Variants in TYW1B observed in about 807,000 individuals in gnomAD.
TYW1B encodes the protein S-adenosyl-L-methionine-dependent tRNA 4-demethylwyosine synthase TYW1B.
A neutral mutation model predicts 86.9 loss-of-function variants in TYW1B; 73 were observed. That is an observed-to-expected ratio of 0.84 (90% CI 0.70 to 1.02). The LOEUF is 1.02. TYW1B is among the 50% of genes least tolerant of loss of function. TYW1B has a pLI of 0.00. For synonymous variants in TYW1B, 248 were observed against 292.8 expected (o/e 0.85, Z 1.56); for missense variants, 637 against 827.4 (o/e 0.77, Z 2.82).
intron 13 of TYW1B, 89 bp from the exon 14 acceptor site, chr7:72,575,808 T>A (rs1225881894): frequency 1.3e-6 from 2 of 1,549,152 alleles, no homozygotes; most frequent in East Asian, 4.5e-5. Flanking sequence ...ACAAGTCTGA[T>A]CTTTTCTCCC....
At chr7:72,745,448 G>T (rs1787377337) in intron 7 of TYW1B, among the ~76,000 whole-genome samples, 1 of 152,130 alleles carries the variant, frequency 6.6e-6, no homozygotes, top group Non-Finnish European at 1.5e-5. Context: ...AATATCACGA[G>T]TCATATAAGT....
intron 7 of TYW1B, among the ~76,000 whole-genome samples, chr7:72,774,018 C>T (rs1394820702): frequency 6.8e-6 from 1 of 146,338 alleles, no homozygotes; most frequent in African/African-American, 2.5e-5. Flanking sequence ...GCCAAGACCA[C>T]ACCACTGCAC....
At chr7:72,653,141 GGAAAA>G (rs1813104331) in intron 11 of TYW1B, among the ~76,000 whole-genome samples, 1 of 152,056 alleles carries the variant, frequency 6.6e-6, no homozygotes, top group South Asian at 2.1e-4. Flanking sequence ...AGCGAGCAGA[GGAAAA>G]GAAATTATAA....
chr7:72,757,673 GA>G (rs1554466486), intron 7 of TYW1B, among the ~76,000 whole-genome samples: 5 of 152,162 alleles, frequency 3.3e-5, no homozygotes, highest in Non-Finnish European at 4.4e-5. Context: ...CTGATGTTAA[GA>G]AAGCCCTGAC....
rs34732466 is a variant in TYW1B, at chr7:72,589,505, T to G, written c.1786-13786A>C. On this transcript the variant is annotated intron_variant, in intron 13 of 13. Coordinates refer to ENST00000620995, the MANE Select transcript of TYW1B (RefSeq NM_001145440.3). ...GTTTACCACTGAGTTCAGTAAGAAG[T>G]AAACTGTGCCAGCAGGAACAGCTGG... is the stretch of plus-strand genomic sequence containing the variant. Among the ~76,000 whole-genome samples the G allele has an allele frequency of 3.9e-4, 60 of 152,262 alleles. 1 individual carries two copies. Among genetic ancestry groups the G allele is most frequent in the Non-Finnish European group, 5.9e-4 (40 of 68,018 alleles).
intron 12 of TYW1B, among the ~76,000 whole-genome samples, chr7:72,623,267 A>G (rs1812269926): frequency 6.6e-6 from 1 of 152,138 alleles, no homozygotes; most frequent in Admixed American, 6.6e-5. Flanking sequence ...TGAAATACAA[A>G]GGGTATGAAC....
chr7:72,599,158 C>T (rs1452535824), intron 13 of TYW1B, among the ~76,000 whole-genome samples: 8 of 152,236 alleles, frequency 5.3e-5, no homozygotes, highest in African/African-American at 1.4e-4. Context: ...CAAATCAAAT[C>T]CAACAATGTA....
Position 72,701,202 on chromosome 7 carries a change from T to C in TYW1B, c.1371-6380A>G, listed in dbSNP as rs542905497. ...GGATTCTATTCTGTTTCCTTTCAACTGTATAGGACACATTCTTGTTTCTTT... is the reference window on the plus strand; with the variant it reads ...GGATTCTATTCTGTTTCCTTTCAACCGTATAGGACACATTCTTGTTTCTTT... On this transcript the variant is annotated intron_variant, in intron 10 of 13. Transcript: ENST00000620995. Among the ~76,000 whole-genome samples, 26 of 152,340 alleles carry C rather than the reference T, an allele frequency of 1.7e-4. No homozygotes were observed. In the South Asian group the frequency reaches 5.4e-3, roughly 32 times the overall value.
Position 72,826,922 on chromosome 7 carries a change from T to G in TYW1B, c.68A>C (p.Tyr23Ser), listed in dbSNP as rs782601748. ...GCTAACAGCAAAGCCCAGATAAATGTAAAACCTGTTTATCCATAATGATAT... is the reference window on the plus strand; with the variant it reads ...GCTAACAGCAAAGCCCAGATAAATGGAAAACCTGTTTATCCATAATGATAT... The part of the protein sequence containing the change: ...PLISLWINRF[Y>S]IYLGFAVSIS... The change falls in exon 2 of 14, where the codon TAC becomes TCC. Residue 23 changes from tyrosine (Y) to serine (S), a missense_variant. Coordinates refer to ENST00000620995, the MANE Select transcript of TYW1B (RefSeq NM_001145440.3). 1 of 1,613,940 alleles carries G rather than the reference T, an allele frequency of 6.2e-7. No homozygotes were observed. The highest frequency in any genetic ancestry group is 8.5e-7 in the Non-Finnish European group (1 of 1,179,958).
chr7:72,593,124 C>A (rs1380414352), intron 13 of TYW1B, among the ~76,000 whole-genome samples: 2 of 151,888 alleles, frequency 1.3e-5, no homozygotes, highest in African/African-American at 2.4e-5. Context: ...CCAACCCCAT[C>A]TCTACTAAAA....
At chr7:72,641,331 C>G (rs1812794758) in intron 11 of TYW1B, among the ~76,000 whole-genome samples, 1 of 152,066 alleles carries the variant, frequency 6.6e-6, no homozygotes, top group Non-Finnish European at 1.5e-5. Flanking sequence ...AGAATATTCT[C>G]AAACTCTTCC....
intron 13 of TYW1B, among the ~76,000 whole-genome samples, chr7:72,589,436 A>G (rs1169758611): frequency 1.3e-5 from 2 of 152,234 alleles, no homozygotes; most frequent in African/African-American, 2.4e-5. Flanking sequence ...CTATTATTCA[A>G]GAAAGTGAAA....
intron 6 of TYW1B, among the ~76,000 whole-genome samples, chr7:72,793,029 C>G (rs1372444727): frequency 6.6e-6 from 1 of 152,190 alleles, no homozygotes; most frequent in Non-Finnish European, 1.5e-5. Flanking sequence ...TTTTAAAACA[C>G]ATGTCAACAG....
intron 11 of TYW1B, among the ~76,000 whole-genome samples, chr7:72,637,582 C>T (rs546856462): frequency 9.9e-5 from 15 of 151,742 alleles, no homozygotes; most frequent in Admixed American, 2.6e-4. Flanking sequence ...AACCAACTTT[C>T]GCTTTTTTAT....
At chr7:72,582,178 G>C (rs1271677597) in intron 13 of TYW1B, among the ~76,000 whole-genome samples, 1 of 151,602 alleles carries the variant, frequency 6.6e-6, no homozygotes, top group Non-Finnish European at 1.5e-5. Context: ...AAATAGAAGA[G>C]AGGATATATT....
chr7:72,669,932 AAAATAAATAAATAAATAAATAAATAAAT>A (rs78712037), intron 11 of TYW1B, among the ~76,000 whole-genome samples: 3 of 141,060 alleles, frequency 2.1e-5, no homozygotes, highest in Non-Finnish European at 4.6e-5. Context: ...CCATTTCTAC[AAAATAAATAAATAAATAAATAAATAAAT>A]AAATAAATAA....
At chr7:72,791,186 C>T (rs1554473308) in intron 6 of TYW1B, among the ~76,000 whole-genome samples, 1 of 152,072 alleles carries the variant, frequency 6.6e-6, no homozygotes, top group African/African-American at 2.4e-5. Flanking sequence ...TTGGTATGCA[C>T]TCACATAATA....
chr7:72,663,201 GT>G lies in TYW1B; in HGVS notation c.1506+31485del, dbSNP rs201043234. 1.2e-3 allele frequency among the ~76,000 whole-genome samples: 187 copies of G among 151,012 alleles called. 3 individuals are homozygous for G. Among genetic ancestry groups the G allele is most frequent in the Non-Finnish European group, 2.1e-3 (141 of 67,814 alleles). ...AGTCAAGGCGGGGGGTTGTGGGGGG[GT>G]TGGCGGCACGATGACTTCTTTGTTA... On this transcript the variant is annotated intron_variant, in intron 11 of 13. Transcript: ENST00000620995.
At chr7:72,773,989 C>CAGG (rs759883732) in intron 7 of TYW1B, among the ~76,000 whole-genome samples, 18 of 147,244 alleles carry the variant, frequency 1.2e-4, no homozygotes, top group South Asian at 2.1e-4. Flanking sequence ...CACTTGAACT[C>CAGG]AGGAGGAGGA....
Sources: allele counts gnomAD v4.1 joint callset (sites outside exome capture counted in the v4.1 genomes callset), GRCh38; gene constraint gnomAD v4.1.1; transcripts MANE v1.5; gene names NCBI Gene and HGNC (gene_info 2026-07-23, HGNC 2026-07-21).